Variants in NBPF10 observed in about 807,000 individuals in gnomAD.
NBPF10 encodes NBPF family member NBPF10.
NBPF10 carries 63 observed loss-of-function variants against 77.9 expected under a neutral mutation model. That is an observed-to-expected ratio of 0.81 (90% CI 0.66 to 1.00). The LOEUF (loss-of-function observed/expected upper bound fraction) is 1.00, where lower values mean the gene tolerates loss of function less well. NBPF10 is among the 50% of genes least tolerant of loss of function. The pLI, the probability that NBPF10 is intolerant of heterozygous loss-of-function variation, is 0.00. For missense variants in NBPF10, 522 were observed against 679.8 expected, an observed-to-expected ratio of 0.77 and a Z score of 2.58; for synonymous variants, 146 against 264.5, an observed-to-expected ratio of 0.55 and a Z score of 4.35.
intron 85 of NBPF10, 127 bp from the exon 86 acceptor site, chr1:146,069,842 A>G: frequency 7.2e-6 from 4 of 552,156 alleles, no homozygotes; most frequent in South Asian, 7.2e-5. Flanking sequence ...TAATGAGGTA[A>G]CAAATTATTG....
intron 88 of NBPF10, among the ~76,000 whole-genome samples, chr1:146,067,795 G>A (rs1207192745): frequency 1.1e-4 from 16 of 151,916 alleles, no homozygotes; most frequent in Non-Finnish European, 1.6e-4. Flanking sequence ...GGTATGGCCT[G>A]AGACTAGGAA....
chr1:146,069,629 A>G lies in NBPF10; in HGVS notation c.10724T>C (p.Leu3575Pro), dbSNP rs782526088. The change falls in exon 86 of 90, where the codon CTT becomes CCT. Residue 3575 changes from leucine to proline, a missense_variant. By Grantham distance (98) the Leu-to-Pro change is moderately conservative (BLOSUM62 -3). Transcript: ENST00000583866. ...GGGCTGGCATGAGTCACACAGTTCA[A>G]GACAACCTGAAGGAGTTGAATAACA... The G allele has an allele frequency of 1.3e-5, 21 of 1,570,440 alleles. No homozygotes were observed. The East Asian group carries it at 4.5e-4, about 34-fold the overall frequency.
Position 146,121,499 on chromosome 1 carries a change from A to G in NBPF10, c.2757T>C (p.Asp919=). 8.0e-6 allele frequency: 3 copies of G among 377,284 alleles called. 1 individual carries two copies. Among genetic ancestry groups the G allele is most frequent in the South Asian group, 6.7e-5 (3 of 44,452 alleles). 23.4% of individuals were successfully genotyped at this position (377,284 alleles called of 1,614,324 possible). Residue 919 remains aspartate (D), a splice_region_variant and synonymous_variant, in exon 20 of 90, where the codon GAT becomes GAC. Coordinates refer to ENST00000583866, the Ensembl canonical transcript of NBPF10. ...TCACCTTCATAGAAAGGTACTCACCATCCATGTCAAAAGCGAAGCCAACAC... is the reference window on the plus strand; with the variant it reads ...TCACCTTCATAGAAAGGTACTCACCGTCCATGTCAAAAGCGAAGCCAACAC...
At chr1:146,067,520 C>A (rs1467854786) in intron 88 of NBPF10, among the ~76,000 whole-genome samples, 2 of 148,732 alleles carry the variant, frequency 1.3e-5, no homozygotes, top group South Asian at 2.1e-4. Flanking sequence ...ATCCCAATAT[C>A]ATTTGTCCCA....
intron 87 of NBPF10, among the ~76,000 whole-genome samples, 196 bp downstream of exon 87, chr1:146,068,576 T>C (rs76338617): frequency 3.4e-5 from 1 of 29,850 alleles, no homozygotes; most frequent in Non-Finnish European, 8.6e-5. Context: ...GGTCAACCTA[T>C]AGTAAGTGAG....
intron 2 of NBPF10, 119 bp downstream of exon 2, chr1:146,142,531 C>T (rs4068110): frequency 4.9e-6 from 3 of 611,676 alleles, no homozygotes; most frequent in Admixed American, 2.3e-5. Context: ...CATGAGCCTG[C>T]CATGGCAATT....
chr1:146,122,167 G>A, intron 19 of NBPF10, 116 bp downstream of exon 19: 1 of 75,978 alleles, frequency 1.3e-5, no homozygotes, highest in Non-Finnish European at 2.2e-5. Flanking sequence ...AGCAATGACA[G>A]TAGGAGTAAT....
intron 13 of NBPF10, among the ~76,000 whole-genome samples, chr1:146,126,707 C>G (rs1192499721): frequency 2.7e-5 from 4 of 146,526 alleles, no homozygotes; most frequent in African/African-American, 1.0e-4. Flanking sequence ...TTTGTGCTCT[C>G]AGGACACACA....
chr1:146,126,412 GA>G lies in NBPF10; in HGVS notation c.1854-5del. On this transcript the variant is annotated splice_polypyrimidine_tract_variant and splice_region_variant and intron_variant, in intron 13 of 89. Transcript: ENST00000583866. ...ATCCAGCAGCTCCCTGCTGAGCGTGGAAAAGTAGGAAAAAGTAAAGAATAAG... is the reference window on the plus strand; with the variant it reads ...ATCCAGCAGCTCCCTGCTGAGCGTGGAAAGTAGGAAAAAGTAAAGAATAAG... 1 of 1,181,518 alleles carries G rather than the reference GA, an allele frequency of 8.5e-7. No homozygotes were observed. Among genetic ancestry groups the G allele is most frequent in the Non-Finnish European group, 1.3e-6 (1 of 793,158 alleles). The allele number at this position is 1,181,518 out of a possible 1,614,324, so 73.2% of individuals were successfully genotyped here.
rs1239854588 is a variant in NBPF10 at position 146,067,205 on chromosome 1, C to T, written c.11119G>A (p.Glu3707Lys). Residue 3707 changes from glutamate (E) to lysine (K), a missense_variant, in exon 89 of 90, where the codon GAA becomes AAA. Glu to Lys is a moderately conservative substitution (Grantham distance 56, BLOSUM62 1). Around this residue, in one of 9 missense-constraint regions of NBPF10, gnomAD observed 183 missense variants for 96.6 expected, o/e 1.89. Transcript: ENST00000583866. ...CTGGGGCATGGTGGGTTTTGATCTTCTTCCCCTTCTTTTCTTCCCCTTCTT... is the reference window on the plus strand; with the variant it reads ...CTGGGGCATGGTGGGTTTTGATCTTTTTCCCCTTCTTTTCTTCCCCTTCTT... The T allele has an allele frequency of 6.8e-6, 4 of 588,746 alleles. No homozygotes were observed. The African/African-American group carries it at 7.6e-5, about 11-fold the overall frequency. The allele number at this position is 588,746 out of a possible 1,614,324, so 36.5% of individuals were successfully genotyped here.
intron 3 of NBPF10, 123 bp from the exon 4 acceptor site, chr1:146,140,679 G>A: frequency 3.8e-6 from 2 of 525,246 alleles, no homozygotes; most frequent in East Asian, 5.0e-5. Flanking sequence ...AAACTCTCAT[G>A]TTTTATCTTT....
At chr1:146,136,497 C>T (rs1233015791) in intron 6 of NBPF10, 42 bp from the exon 7 acceptor site, 1 of 1,591,524 alleles carries the variant, frequency 6.3e-7, no homozygotes, top group Non-Finnish European at 8.6e-7. Flanking sequence ...GAAGGCTGGA[C>T]ATGCTGCTGT....
intron 88 of NBPF10, among the ~76,000 whole-genome samples, chr1:146,067,570 G>A (rs1371767130): frequency 6.7e-5 from 10 of 149,732 alleles, no homozygotes; most frequent in Admixed American, 3.3e-4. Context: ...TCCAATCAAC[G>A]TAAAGCAAAT....
At chr1:146,066,913 T>A (rs1236742681) in intron 89 of NBPF10, among the ~76,000 whole-genome samples, 14 of 146,444 alleles carry the variant, frequency 9.6e-5, no homozygotes, top group Admixed American at 9.1e-4. Flanking sequence ...AGCTCAATAG[T>A]TTTCCATAAA....
At chr1:146,069,640 A>C (rs781917782) in exon 86 of NBPF10, 3 of 1,553,890 alleles carry the variant, frequency 1.9e-6, no homozygotes, top group Non-Finnish European at 2.6e-6. Context: ...GACAACCTGA[A>C]GGAGTTGAAT....
At chr1:146,126,785 G>A (rs1553790273) in intron 13 of NBPF10, among the ~76,000 whole-genome samples, 1 of 131,550 alleles carries the variant, frequency 7.6e-6, no homozygotes, top group Non-Finnish European at 1.6e-5. Context: ...TTTCCCGGCA[G>A]TTACCATGAG....
chr1:146,066,855 A>G (rs1655124984), intron 89 of NBPF10, among the ~76,000 whole-genome samples: 2 of 151,448 alleles, frequency 1.3e-5, no homozygotes, highest in Admixed American at 1.3e-4. Context: ...GGACACTCTG[A>G]CTTAGTGCCC....
intron 13 of NBPF10, 75 bp from the exon 14 acceptor site, chr1:146,126,483 C>G (rs587601401): frequency 2.1e-4 from 158 of 738,428 alleles, no homozygotes; most frequent in Non-Finnish European, 3.2e-4. Context: ...GATTTCATGG[C>G]TAACATAAGG....
intron 13 of NBPF10, 111 bp from the exon 14 acceptor site, chr1:146,126,519 A>T (rs1396412749): frequency 5.6e-6 from 4 of 716,258 alleles, no homozygotes; most frequent in East Asian, 2.6e-5. Flanking sequence ...AAAAGGACAG[A>T]TCCATTAATG....
Sources: gnomAD v4.1 joint callset for allele counts (sites outside exome capture counted in the v4.1 genomes callset) on GRCh38, gnomAD v4.1.1 for gene constraint, gnomAD v4.1.1 regional missense constraint, MANE v1.5 for transcripts, NCBI Gene and HGNC (gene_info 2026-07-23, HGNC 2026-07-21) for gene names.